Variants in ZNF804B observed in about 807,000 individuals in gnomAD.
ZNF804B encodes the protein zinc finger 804B.
ZNF804B carries 80 observed loss-of-function variants against 101.4 expected under a neutral mutation model. That is an observed-to-expected ratio of 0.79 (90% CI 0.66 to 0.95). The LOEUF is 0.95. Among genes scored for constraint, ZNF804B ranks in the 40% least tolerant of loss-of-function variants. The probability of loss-of-function intolerance (pLI) is 0.00; values close to 1 mark genes in which losing one functional copy is unlikely to be tolerated. For missense variants in ZNF804B, 1,673 were observed against 1,561.9 expected, an observed-to-expected ratio of 1.07 and a Z score of -1.20; for synonymous variants, 622 against 558.8, an observed-to-expected ratio of 1.11 and a Z score of -1.59.
intron 1 of ZNF804B, among the ~76,000 whole-genome samples, chr7:88,931,750 A>G (rs547302612): frequency 6.6e-6 from 1 of 152,008 alleles, no homozygotes; most frequent in East Asian, 1.9e-4. Context: ...CTTGCCTGGA[A>G]TCTAGTAAAT....
chr7:89,233,622 G>C (rs989117600), intron 2 of ZNF804B, among the ~76,000 whole-genome samples: 1 of 151,978 alleles, frequency 6.6e-6, no homozygotes. Flanking sequence ...CACTGAAAAA[G>C]AGAGCTAACT....
At chr7:89,186,762 TA>T (rs1270999753) in intron 1 of ZNF804B, among the ~76,000 whole-genome samples, 1 of 152,186 alleles carries the variant, frequency 6.6e-6, no homozygotes, top group Admixed American at 6.6e-5. Context: ...TTCTTGATTT[TA>T]AAAAGATGTT....
chr7:88,970,996 A>G (rs903678106), intron 1 of ZNF804B, among the ~76,000 whole-genome samples: 1 of 151,244 alleles, frequency 6.6e-6, no homozygotes, highest in Non-Finnish European at 1.5e-5. Context: ...AAAGAACAAA[A>G]AAAAATAAAT....
intron 1 of ZNF804B, among the ~76,000 whole-genome samples, chr7:89,109,580 C>A (rs1322478400): frequency 6.6e-6 from 1 of 152,136 alleles, no homozygotes; most frequent in Non-Finnish European, 1.5e-5. Context: ...TTCTTGGTAA[C>A]TTCTCTTTCA....
intron 2 of ZNF804B, among the ~76,000 whole-genome samples, chr7:89,252,941 G>A (rs1050246374): frequency 2.0e-5 from 3 of 152,086 alleles, no homozygotes; most frequent in South Asian, 2.1e-4. Flanking sequence ...ACTGGGTGAC[G>A]GGAATCTATC....
At chr7:89,197,972 A>G (rs2115639332) in intron 1 of ZNF804B, among the ~76,000 whole-genome samples, 1 of 152,014 alleles carries the variant, frequency 6.6e-6, no homozygotes, top group South Asian at 2.1e-4. Context: ...GTTTCCACAT[A>G]CAGATCTGGC....
intron 1 of ZNF804B, among the ~76,000 whole-genome samples, chr7:88,899,517 T>C (rs1792357544): frequency 6.6e-6 from 1 of 152,200 alleles, no homozygotes; most frequent in Non-Finnish European, 1.5e-5. Context: ...GCCTCACCTC[T>C]CACTTAAGAA....
chr7:89,038,235 C>T (rs1788958961), intron 1 of ZNF804B, among the ~76,000 whole-genome samples: 1 of 152,054 alleles, frequency 6.6e-6, no homozygotes, highest in Non-Finnish European at 1.5e-5. Context: ...TTGTGAGAAA[C>T]CTCCATACTC....
intron 1 of ZNF804B, among the ~76,000 whole-genome samples, chr7:88,789,394 G>A (rs1790346061): frequency 6.6e-6 from 1 of 152,078 alleles, no homozygotes. Context: ...CTAAATGGGA[G>A]AATACTGTTA....
At position 88,778,606 on chromosome 7, in the gene ZNF804B, T is replaced by A. The variant is rs973868459; in HGVS notation, c.108+18522T>A. On this transcript the variant is annotated intron_variant, in intron 1 of 3. Coordinates refer to ENST00000333190, the MANE Select transcript of ZNF804B (RefSeq NM_181646.5). Reference sequence around the variant, plus strand: ...TCCCCCTTGGTTGGGGACATTGTCTTCATCTAGCAGCCTAGGCTTGAAGCT... The same window carrying A: ...TCCCCCTTGGTTGGGGACATTGTCTACATCTAGCAGCCTAGGCTTGAAGCT... Among the ~76,000 whole-genome samples the A allele has an allele frequency of 1.4e-4, 21 of 152,232 alleles. 1 individual carries two copies. Among genetic ancestry groups the A allele is most frequent in the Admixed American group, 1.3e-3 (20 of 15,274 alleles).
Position 89,208,037 on chromosome 7 carries a change from C to T in ZNF804B, c.109-10118C>T, listed in dbSNP as rs538778098. Among the ~76,000 whole-genome samples the T allele has an allele frequency of 2.9e-4, 43 of 150,206 alleles. No homozygotes were observed. In the South Asian group the frequency reaches 5.7e-3, roughly 20 times the overall value. ...GTGGGCTAATACTGCGTTGTGTCAG[C>T]AAAAGTTCATTGGTTTATGTGTGTT... is the stretch of plus-strand genomic sequence containing the variant. On this transcript the variant is annotated intron_variant, in intron 1 of 3. Transcript: ENST00000333190.
At chr7:89,186,641 T>A (rs2115600063) in intron 1 of ZNF804B, among the ~76,000 whole-genome samples, 1 of 152,176 alleles carries the variant, frequency 6.6e-6, no homozygotes, top group East Asian at 1.9e-4. Flanking sequence ...CTTTTGTATA[T>A]AAAAGGGCAA....
chr7:89,323,100 C>T (rs1198046197), intron 2 of ZNF804B, among the ~76,000 whole-genome samples: 1 of 152,234 alleles, frequency 6.6e-6, no homozygotes, highest in East Asian at 1.9e-4. Context: ...TGCCTCTTCT[C>T]TCTGGCCTAG....
chr7:89,202,930 T>C (rs7801753), intron 1 of ZNF804B, among the ~76,000 whole-genome samples: 112,927 of 152,064 alleles, frequency 0.74, 43,016 homozygotes, highest in African/African-American at 0.88. Context: ...GTAGCTACAA[T>C]AGACGTATTG....
In ZNF804B at chr7:89,334,533, A is replaced by C. The variant is rs753348705; in HGVS notation, c.1551A>C (p.Ser517=). ...AGACTAAAAGAGAGAGCCAAGTCTCAGGTTTAACTGAAGACCAACAAAAAT... is the reference window on the plus strand; with the variant it reads ...AGACTAAAAGAGAGAGCCAAGTCTCCGGTTTAACTGAAGACCAACAAAAAT... ...ELKTKRESQV[S]GLTEDQQKLI... Residue 517 remains serine (S), a synonymous_variant, in exon 4 of 4, where the codon TCA becomes TCC. Coordinates refer to ENST00000333190, the MANE Select transcript of ZNF804B (RefSeq NM_181646.5). 1 of 1,613,654 alleles carries C rather than the reference A, an allele frequency of 6.2e-7. No individual in the cohort carries two copies. The highest frequency in any genetic ancestry group is 8.5e-7 in the Non-Finnish European group (1 of 1,179,802).
In ZNF804B at chr7:88,867,064, T is replaced by C. The variant is rs143676036; in HGVS notation, c.108+106980T>C. Among the ~76,000 whole-genome samples, 726 of 152,208 alleles carry C rather than the reference T, an allele frequency of 4.8e-3. 3 individuals are homozygous for C. Among genetic ancestry groups the C allele is most frequent in the Middle Eastern group, 0.017 (5 of 294 alleles). The stretch of plus-strand genomic sequence containing the variant: ...TCTTATTAGTGGAATGATGAGTACA[T>C]AAGAAACATGAGAAAAATAATAGCT... On this transcript the variant is annotated intron_variant, in intron 1 of 3. Coordinates refer to ENST00000333190, the MANE Select transcript of ZNF804B (RefSeq NM_181646.5).
At chr7:89,021,810 T>C (rs958918531) in intron 1 of ZNF804B, among the ~76,000 whole-genome samples, 6 of 152,178 alleles carry the variant, frequency 3.9e-5, no homozygotes, top group Admixed American at 3.3e-4. Flanking sequence ...TCCCAGAGCA[T>C]AGTGCTCTCT....
At chr7:89,085,805 A>C (rs2116318697) in intron 1 of ZNF804B, among the ~76,000 whole-genome samples, 1 of 152,148 alleles carries the variant, frequency 6.6e-6, no homozygotes, top group South Asian at 2.1e-4. Context: ...GCATTTCATT[A>C]GAATGGCTTT....
intron 1 of ZNF804B, among the ~76,000 whole-genome samples, chr7:89,182,689 G>A (rs1788315364): frequency 6.6e-6 from 1 of 152,102 alleles, no homozygotes; most frequent in African/African-American, 2.4e-5. Flanking sequence ...CTGTGCAATG[G>A]TTATGGAAAA....
Sources: allele counts gnomAD v4.1 joint callset (sites outside exome capture counted in the v4.1 genomes callset), GRCh38; gene constraint gnomAD v4.1.1; transcripts MANE v1.5; gene names NCBI Gene and HGNC (gene_info 2026-07-23, HGNC 2026-07-21).